Variants in MEF2C observed in about 807,000 individuals in gnomAD.
MEF2C encodes the protein myocyte enhancer factor 2C, also known as myocyte-specific enhancer factor 2C.
A neutral mutation model predicts 50.5 loss-of-function variants in MEF2C; 6 were observed. The observed-to-expected ratio is 0.12, with a 90% CI of 0.07 to 0.23. The LOEUF (loss-of-function observed/expected upper bound fraction) is 0.23, where lower values mean the gene tolerates loss of function less well. Ranked by LOEUF, MEF2C falls within the 10% of genes least tolerant of loss-of-function variation. MEF2C has a pLI of 1.00. For missense variants in MEF2C, 276 were observed against 605.0 expected, an observed-to-expected ratio of 0.46 and a Z score of 5.70; for synonymous variants, 183 against 228.0, an observed-to-expected ratio of 0.80 and a Z score of 1.78.
At chr5:88,821,932 C>T (rs957088026) in intron 2 of MEF2C, among the ~76,000 whole-genome samples, 1 of 151,778 alleles carries the variant, frequency 6.6e-6, no homozygotes, top group Non-Finnish European at 1.5e-5. Flanking sequence ...GTTCCTAATA[C>T]AAAGAAATGA....
Position 88,799,596 on chromosome 5 carries a change from G to A in MEF2C, c.258+5002C>T, listed in dbSNP as rs1234046851. 3.9e-5 allele frequency among the ~76,000 whole-genome samples: 6 copies of A among 152,228 alleles called. No homozygotes were observed. The East Asian group carries it at 7.7e-4, about 20-fold the overall frequency. ...TAAACTATGTAAGAGCACTTAGCTC[G>A]TTGATAACTTTCATCACCATTGTGA... On this transcript the variant is annotated intron_variant, in intron 3 of 10. Coordinates refer to ENST00000504921, the MANE Select transcript of MEF2C (RefSeq NM_002397.5).
intron 1 of MEF2C, among the ~76,000 whole-genome samples, chr5:88,890,722 TG>T (rs1469078558): frequency 1.3e-5 from 2 of 152,230 alleles, no homozygotes; most frequent in Non-Finnish European, 2.9e-5. Flanking sequence ...AGGACACTCT[TG>T]GAGTTTCTGT....
At chr5:88,785,008 GA>G (rs1357198139) in intron 3 of MEF2C, among the ~76,000 whole-genome samples, 2 of 152,082 alleles carry the variant, frequency 1.3e-5, no homozygotes, top group African/African-American at 2.4e-5. Context: ...TTACAAGACG[GA>G]AGGAGACCAG....
intron 1 of MEF2C, among the ~76,000 whole-genome samples, chr5:88,847,708 A>G (rs573995460): frequency 6.6e-6 from 1 of 152,176 alleles, no homozygotes; most frequent in South Asian, 2.1e-4. Context: ...ACTATAAAAC[A>G]CATGTTAAAA....
At chr5:88,863,800 T>C (rs973942931) in intron 1 of MEF2C, among the ~76,000 whole-genome samples, 24 of 152,100 alleles carry the variant, frequency 1.6e-4, no homozygotes, top group African/African-American at 4.8e-4. Flanking sequence ...TTCATTCATG[T>C]TGCAAATGAC....
At chr5:88,771,897 T>C (rs954276433) in intron 3 of MEF2C, 2 of 152,314 alleles carry the variant, frequency 1.3e-5, no homozygotes, top group African/African-American at 4.8e-5. Context: ...ACACAGACTA[T>C]TGTAACTGGT....
intron 3 of MEF2C, among the ~76,000 whole-genome samples, chr5:88,764,657 A>T (rs1185582438): frequency 2.0e-5 from 3 of 152,030 alleles, no homozygotes; most frequent in South Asian, 2.1e-4. Flanking sequence ...AAATACAAAA[A>T]ATAAGCCAGG....
Position 88,760,825 on chromosome 5 carries a change from G to C in MEF2C, c.402+360C>G, listed in dbSNP as rs77522012. On this transcript the variant is annotated intron_variant, in intron 4 of 10. Coordinates refer to ENST00000504921, the MANE Select transcript of MEF2C (RefSeq NM_002397.5). ...AACTCTGTTAGATTACATAATCTCAGCATCCTTTAGGGTTTGCTTTCTAAA... is the reference window on the plus strand; with the variant it reads ...AACTCTGTTAGATTACATAATCTCACCATCCTTTAGGGTTTGCTTTCTAAA... Among the ~76,000 whole-genome samples the C allele has an allele frequency of 2.0e-5, 3 of 152,232 alleles. No homozygotes were observed. The East Asian group carries it at 5.8e-4, about 29-fold the overall frequency.
intron 1 of MEF2C, among the ~76,000 whole-genome samples, chr5:88,850,086 C>G (rs1282798313): frequency 7.5e-6 from 1 of 133,048 alleles, no homozygotes; most frequent in Non-Finnish European, 1.7e-5. Context: ...TCCCTCCCCG[C>G]CCCCCAACCC....
rs1235705136 is a variant in MEF2C at position 88,721,582 on chromosome 5, AATATTAT to A, written c.*1015_*1021del. On this transcript the variant is annotated 3_prime_UTR_variant, in exon 11 of 11. Transcript: ENST00000504921. ...ATAACAAAACTTCTGCTATTACCAT[AATATTAT>A]ATATATTAGAAAGCTATACACAAGC... 1 of 152,594 alleles carries A rather than the reference AATATTAT, an allele frequency of 6.6e-6. No individual in the cohort carries two copies. Among genetic ancestry groups the A allele is most frequent in the Non-Finnish European group, 1.5e-5 (1 of 68,036 alleles). 9.5% of individuals were successfully genotyped at this position (152,594 alleles called of 1,614,324 possible). A position where few individuals can be genotyped will look rare whatever the true frequency, so the allele number is the denominator to read the frequency against.
At chr5:88,881,226 C>T (rs2150089790) in intron 1 of MEF2C, 1 of 152,192 alleles carries the variant, frequency 6.6e-6, no homozygotes, top group African/African-American at 2.4e-5. Flanking sequence ...GAATACATAG[C>T]TAAATGTACT....
intron 1 of MEF2C, among the ~76,000 whole-genome samples, chr5:88,862,069 T>C (rs1290452963): frequency 1.3e-5 from 2 of 152,202 alleles, no homozygotes; most frequent in African/African-American, 4.8e-5. Context: ...ATTAAGTACC[T>C]GGTTTGTGAA....
rs1460794443 is a variant in MEF2C, at chr5:88,739,349, AT to A, written c.638-7449del. The A allele has an allele frequency of 2.3e-5, 23 of 984,526 alleles. No homozygotes were observed. In the African/African-American group the frequency reaches 2.6e-4, roughly 11 times the overall value. The allele number at this position is 984,526 out of a possible 1,614,324, so 61.0% of individuals were successfully genotyped here. ...ATGTTTTACTCACTTTAAAAAAAAA[AT>A]AAAGCAATTTTGAAAACAGTTACAG... On this transcript the variant is annotated intron_variant, in intron 6 of 10. Coordinates refer to ENST00000504921, the MANE Select transcript of MEF2C (RefSeq NM_002397.5).
In MEF2C at chr5:88,718,444, G is replaced by A. The variant is rs1391032570; in HGVS notation, c.*4160C>T. On this transcript the variant is annotated 3_prime_UTR_variant, in exon 11 of 11. Transcript: ENST00000504921. ...GACAAAGTCCAGCTTATGCCGCTGT[G>A]AGCCTCTATTTGAATATTTGTTGCA... The A allele has an allele frequency of 6.6e-6, 1 of 152,080 alleles. No individual in the cohort carries two copies. The highest frequency in any genetic ancestry group is 1.5e-5 in the Non-Finnish European group (1 of 68,044). 9.4% of individuals were successfully genotyped at this position (152,080 alleles called of 1,614,324 possible).
chr5:88,743,109 G>T (rs1767623832), intron 6 of MEF2C: 12 of 959,992 alleles, frequency 1.3e-5, no homozygotes, highest in Admixed American at 6.2e-5. Context: ...TATTAACCTA[G>T]ATTTTTTTCA....
upstream of MEF2C, among the ~76,000 whole-genome samples, chr5:88,883,958 A>G (rs1430404843): frequency 6.6e-6 from 1 of 152,240 alleles, no homozygotes; most frequent in Non-Finnish European, 1.5e-5. Context: ...TGGTGAATCA[A>G]TCTTTCCATT....
chr5:88,758,883 G>A (rs954209076), intron 4 of MEF2C, among the ~76,000 whole-genome samples: 1 of 152,146 alleles, frequency 6.6e-6, no homozygotes, highest in Non-Finnish European at 1.5e-5. Context: ...TACGTAACAG[G>A]CTGAAATCCT....
chr5:88,798,242 G>A (rs1443379390), intron 3 of MEF2C, among the ~76,000 whole-genome samples: 1 of 152,010 alleles, frequency 6.6e-6, no homozygotes. Flanking sequence ...TTTCCAACTT[G>A]GTTCCATTCT....
chr5:88,823,605 G>T, intron 2 of MEF2C, 130 bp downstream of exon 2: 2 of 773,442 alleles, frequency 2.6e-6, no homozygotes, highest in Non-Finnish European at 4.0e-6. Context: ...CACTTTAACT[G>T]GTCACATTTA....
Sources: allele counts gnomAD v4.1 joint callset (sites outside exome capture counted in the v4.1 genomes callset), GRCh38; gene constraint gnomAD v4.1.1; transcripts MANE v1.5; gene names NCBI Gene and HGNC (gene_info 2026-07-23, HGNC 2026-07-21).